The following RAPGEF5 variants were observed in gnomAD, a reference collection of about 807,000 sequenced individuals.
RAPGEF5 encodes the protein Rap guanine nucleotide exchange factor 5.
RAPGEF5 carries 65 observed loss-of-function variants against 125.2 expected under a neutral mutation model. The ratio of observed to expected loss-of-function variants is 0.52; its 90% CI spans 0.43 to 0.64. RAPGEF5 has a LOEUF of 0.64. Among genes scored for constraint, RAPGEF5 ranks in the 30% least tolerant of loss-of-function variants. The pLI, the probability that RAPGEF5 is intolerant of heterozygous loss-of-function variation, is 0.00. For synonymous variants in RAPGEF5, 391 were observed against 385.9 expected (o/e 1.01, Z -0.16); for missense variants, 958 against 1,048.1 (o/e 0.91, Z 1.19).
At chr7:22,356,204 A>G (rs1013979242) in intron 1 of RAPGEF5, 6 of 985,338 alleles carry the variant, frequency 6.1e-6, no homozygotes, top group Non-Finnish European at 7.2e-6. Flanking sequence ...GTATCTGAAC[A>G]CACCATCAGG....
chr7:22,264,555 CATT>C (rs1190553842), intron 7 of RAPGEF5, among the ~76,000 whole-genome samples: 1 of 152,208 alleles, frequency 6.6e-6, no homozygotes, highest in East Asian at 1.9e-4. Context: ...CTTCATCTGA[CATT>C]GCAAAGCTAC....
chr7:22,180,708 A>G (rs1784647680), intron 11 of RAPGEF5, among the ~76,000 whole-genome samples: 1 of 152,208 alleles, frequency 6.6e-6, no homozygotes, highest in African/African-American at 2.4e-5. Context: ...CACGATCTGC[A>G]ATATGATATG....
In RAPGEF5 at chr7:22,291,285, C is replaced by T. The variant is rs1782929969; in HGVS notation, c.681-44G>A. The T allele has an allele frequency of 2.0e-6, 3 of 1,499,398 alleles. No homozygotes were observed. The South Asian group carries it at 3.9e-5, about 20-fold the overall frequency. 92.9% of individuals were successfully genotyped at this position (1,499,398 alleles called of 1,614,324 possible). On this transcript the variant is annotated intron_variant, in intron 5 of 25. Transcript: ENST00000665637. ...ACAAATTACTTTTCAGTTTTAGTTG[C>T]TCAAATTTATCTACCAAGTTAGGAA...
intron 21 of RAPGEF5, among the ~76,000 whole-genome samples, chr7:22,138,699 T>C (rs1450985602): frequency 3.3e-5 from 5 of 152,248 alleles, no homozygotes; most frequent in Non-Finnish European, 5.9e-5. Flanking sequence ...TCAGTTCTCA[T>C]GTAGCCATCT....
At chr7:22,268,649 C>T (rs1324857383) in intron 6 of RAPGEF5, among the ~76,000 whole-genome samples, 1 of 152,096 alleles carries the variant, frequency 6.6e-6, no homozygotes, top group Non-Finnish European at 1.5e-5. Flanking sequence ...AGGGAAAACC[C>T]CACTGTGGCA....
intron 12 of RAPGEF5, chr7:22,162,914 A>C (rs900058020): frequency 1.6e-4 from 72 of 460,664 alleles, no homozygotes; most frequent in Non-Finnish European, 2.7e-4. Context: ...ATTTCAATAC[A>C]TTTTAGGTCA....
intron 9 of RAPGEF5, among the ~76,000 whole-genome samples, chr7:22,200,402 G>C (rs1465536122): frequency 6.6e-6 from 1 of 152,176 alleles, no homozygotes; most frequent in East Asian, 1.9e-4. Context: ...GTCAAGGTGA[G>C]CCACTTAGAC....
chr7:22,308,539 T>A, intron 4 of RAPGEF5, 32 bp from the exon 5 acceptor site: 1 of 1,422,526 alleles, frequency 7.0e-7, no homozygotes, highest in Non-Finnish European at 9.4e-7. Context: ...TAGATCAATT[T>A]TTTAAAAGAT....
intron 7 of RAPGEF5, among the ~76,000 whole-genome samples, chr7:22,233,077 A>T (rs1786098862): frequency 6.6e-6 from 1 of 152,218 alleles, no homozygotes; most frequent in African/African-American, 2.4e-5. Flanking sequence ...GAACAAAGAA[A>T]AACATGCGTG....
intron 16 of RAPGEF5, among the ~76,000 whole-genome samples, chr7:22,156,235 T>G (rs1246264630): frequency 6.6e-6 from 1 of 152,242 alleles, no homozygotes; most frequent in Non-Finnish European, 1.5e-5. Flanking sequence ...TGTGCTTGAC[T>G]CAATCTTTAT....
At chr7:22,304,303 T>C (rs1562519303) in intron 5 of RAPGEF5, among the ~76,000 whole-genome samples, 2 of 152,224 alleles carry the variant, frequency 1.3e-5, no homozygotes, top group East Asian at 3.8e-4. Context: ...TTTTGCTGTA[T>C]GAGTCAGTTA....
intron 7 of RAPGEF5, among the ~76,000 whole-genome samples, chr7:22,244,969 A>T (rs1316916943): frequency 2.0e-5 from 3 of 152,172 alleles, no homozygotes; most frequent in Admixed American, 6.5e-5. Context: ...TTTTCTTCAT[A>T]TCCTCGTCAA....
chr7:22,200,276 C>G (rs999901935), intron 9 of RAPGEF5, among the ~76,000 whole-genome samples: 4 of 151,888 alleles, frequency 2.6e-5, no homozygotes, highest in African/African-American at 9.7e-5. Flanking sequence ...GACAATGTAT[C>G]TCATGATTCT....
intron 8 of RAPGEF5, among the ~76,000 whole-genome samples, chr7:22,222,406 G>T (rs1358136565): frequency 6.6e-6 from 1 of 152,128 alleles, no homozygotes; most frequent in Non-Finnish European, 1.5e-5. Context: ...GTCAAGGAAG[G>T]GTTTTCTAGT....
intron 1 of RAPGEF5, among the ~76,000 whole-genome samples, chr7:22,328,192 T>C (rs1271453884): frequency 1.3e-5 from 2 of 152,222 alleles, no homozygotes; most frequent in African/African-American, 4.8e-5. Context: ...GAGAACCCTC[T>C]TACCCAAGGT....
In RAPGEF5 at chr7:22,333,933, G is replaced by GAAACGGTT. The variant is rs1463760467; in HGVS notation, c.232-15904_232-15897dup. 2.0e-5 allele frequency among the ~76,000 whole-genome samples: 3 copies of GAAACGGTT among 151,972 alleles called. No homozygotes were observed. In the East Asian group the frequency reaches 5.8e-4, roughly 30 times the overall value. ...GACATGGCTCGTGCTTGTGCCCCAA[G>GAAACGGTT]AAACGGTTAAACTACTGACCCTGAA... On this transcript the variant is annotated intron_variant, in intron 1 of 25. Coordinates refer to ENST00000665637, the MANE Select transcript of RAPGEF5 (RefSeq NM_012294.5).
intron 6 of RAPGEF5, among the ~76,000 whole-genome samples, chr7:22,272,791 C>T (rs1429254953): frequency 3.3e-5 from 5 of 152,178 alleles, no homozygotes; most frequent in African/African-American, 1.2e-4. Context: ...AGGTTTCGCT[C>T]TGTTGCCCAG....
chr7:22,332,300 C>T (rs1783938369), intron 1 of RAPGEF5, among the ~76,000 whole-genome samples: 1 of 152,174 alleles, frequency 6.6e-6, no homozygotes, highest in Admixed American at 6.5e-5. Flanking sequence ...AATGCCCTGT[C>T]AAACCTTCTT....
At chr7:22,259,276 G>C (rs1782087699) in intron 7 of RAPGEF5, among the ~76,000 whole-genome samples, 3 of 152,176 alleles carry the variant, frequency 2.0e-5, no homozygotes, top group Admixed American at 2.0e-4. Flanking sequence ...AGGGAATTGT[G>C]AATGAAAACA....
Sources: allele counts gnomAD v4.1 joint callset (sites outside exome capture counted in the v4.1 genomes callset), GRCh38; gene constraint gnomAD v4.1.1; transcripts MANE v1.5; gene names NCBI Gene and HGNC (gene_info 2026-07-23, HGNC 2026-07-21).